Variants in APMAP observed in about 807,000 individuals in gnomAD.
APMAP encodes adipocyte plasma membrane-associated protein.
APMAP carries 33 observed loss-of-function variants against 43.6 expected under a neutral mutation model. The ratio of observed to expected loss-of-function variants is 0.76; its 90% CI spans 0.57 to 1.01. The LOEUF (loss-of-function observed/expected upper bound fraction) is 1.01, where lower values mean the gene tolerates loss of function less well. Ranked by LOEUF, APMAP falls within the 50% of genes least tolerant of loss-of-function variation. The pLI, the probability that APMAP is intolerant of heterozygous loss-of-function variation, is 0.00. For missense variants in APMAP, 498 were observed against 540.7 expected (o/e 0.92, Z 0.78); for synonymous variants, 224 against 216.7 (o/e 1.03, Z -0.30).
intron 2 of APMAP, among the ~76,000 whole-genome samples, chr20:24,979,239 G>A (rs1455519325): frequency 6.6e-6 from 1 of 152,176 alleles, no homozygotes; most frequent in Non-Finnish European, 1.5e-5. Context: ...ACAGCCACTG[G>A]AGTCTACCTA....
In APMAP at chr20:24,970,374, G is replaced by C; in HGVS notation, c.539-3C>G. On this transcript the variant is annotated splice_polypyrimidine_tract_variant and splice_region_variant and intron_variant, in intron 5 of 8. Coordinates refer to ENST00000217456, the MANE Select transcript of APMAP (RefSeq NM_020531.3). ...GGACAGCAGCAGTTTCACTTCACCT[G>C]AAGTTTAAAAAGAAAGAAAAAGATT... 6.3e-7 allele frequency: 1 copy of C among 1,598,398 alleles called. No individual in the cohort carries two copies. Among genetic ancestry groups the C allele is most frequent in the Non-Finnish European group, 8.5e-7 (1 of 1,171,580 alleles).
At chr20:24,980,544 T>C (rs1181861229) in intron 2 of APMAP, among the ~76,000 whole-genome samples, 14 of 138,600 alleles carry the variant, frequency 1.0e-4, no homozygotes, top group South Asian at 2.3e-4. Context: ...GTCAAGAGGC[T>C]ATGCCACGAT....
chr20:24,963,796 G>A lies in APMAP; in HGVS notation c.*17C>T, dbSNP rs777741358. The A allele has an allele frequency of 3.1e-6, 5 of 1,612,202 alleles. No individual in the cohort carries two copies. Among genetic ancestry groups the A allele is most frequent in the African/African-American group, 2.7e-5 (2 of 74,896 alleles). On this transcript the variant is annotated 3_prime_UTR_variant, in exon 9 of 9. Coordinates refer to ENST00000217456, the MANE Select transcript of APMAP (RefSeq NM_020531.3). ...AAGACTCCTGGCCTGCGTGGCAGGG[G>A]CAGCTATCTGGGAGGGCTAAACAGC...
chr20:24,989,141 G>A (rs963319564), intron 1 of APMAP, among the ~76,000 whole-genome samples: 2 of 151,688 alleles, frequency 1.3e-5, no homozygotes, highest in African/African-American at 4.8e-5. Context: ...ACACTGTATC[G>A]ATCCCTATCC....
At chr20:24,987,942 G>A (rs1484570451) in intron 1 of APMAP, among the ~76,000 whole-genome samples, 7 of 152,168 alleles carry the variant, frequency 4.6e-5, no homozygotes. Context: ...AGCAGGGCTG[G>A]TTACAAGTAA....
intron 4 of APMAP, among the ~76,000 whole-genome samples, chr20:24,972,176 G>A (rs919873338): frequency 6.6e-6 from 1 of 150,794 alleles, no homozygotes. Flanking sequence ...GCTCACTGCA[G>A]GTGCTTATTG....
rs149459666 is a variant in APMAP, at chr20:24,970,264, C to T, written c.646G>A (p.Asp216Asn). 62 of 1,614,140 alleles carry T rather than the reference C, an allele frequency of 3.8e-5. No homozygotes were observed. The African/African-American group carries it at 4.8e-4, about 12-fold the overall frequency. The change falls in exon 6 of 9, where the codon GAT becomes AAT. Residue 216 changes from aspartate (D) to asparagine (N), a missense_variant. By Grantham distance (23) the Asp-to-Asn change is conservative. Coordinates refer to ENST00000217456, the MANE Select transcript of APMAP (RefSeq NM_020531.3). The stretch of plus-strand genomic sequence containing the variant: ...CGTCTTTGCCATTTGCTGCTAGAAT[C>T]GGTGAAATAAATCTTCCTCCCATCC... ...TQDGRKIYFT[D>N]SSSKWQRRDY...
chr20:24,973,582 C>A (rs886879613), intron 4 of APMAP, 63 bp downstream of exon 4: 3 of 1,512,838 alleles, frequency 2.0e-6, no homozygotes, highest in Non-Finnish European at 1.8e-6. Flanking sequence ...CAGTTCCACA[C>A]AACGATCCAA....
chr20:24,971,470 A>C lies in APMAP; in HGVS notation c.528T>G (p.Asn176Lys), dbSNP rs1164026011. 1 of 1,613,568 alleles carries C rather than the reference A, an allele frequency of 6.2e-7. No homozygotes were observed. The highest frequency in any genetic ancestry group is 1.7e-5 in the Admixed American group (1 of 60,008). ...ADAYKGLFEV[N>K]PWKREVKLLL... ...GATATTGTCACATACGTTTCCAGGG[A>C]TTTACTTCAAATAGTCCCTTGTATG... The change falls in exon 5 of 9, where the codon AAT (asparagine) becomes AAG (lysine). Residue 176 changes from asparagine to lysine, a missense_variant. Asn to Lys is a moderately conservative substitution (Grantham distance 94). Coordinates refer to ENST00000217456, the MANE Select transcript of APMAP (RefSeq NM_020531.3).
chr20:24,963,688 C>T lies in APMAP; in HGVS notation c.*125G>A, dbSNP rs1377472049. On this transcript the variant is annotated 3_prime_UTR_variant, in exon 9 of 9. Transcript: ENST00000217456. ...TGAAGCAGCCATTCCCACCACCTCT[C>T]AGGGACTAACAGGTGCATGTGGACA... 2 of 1,010,126 alleles carry T rather than the reference C, an allele frequency of 2.0e-6. No individual in the cohort carries two copies. Among genetic ancestry groups the T allele is most frequent in the East Asian group, 4.8e-5 (2 of 41,354 alleles). 62.6% of individuals were successfully genotyped at this position (1,010,126 alleles called of 1,614,324 possible). A position where few individuals can be genotyped will look rare whatever the true frequency, so the allele number is the denominator to read the frequency against.
At chr20:24,967,899 C>T (rs1231047467) in intron 8 of APMAP, among the ~76,000 whole-genome samples, 4 of 152,282 alleles carry the variant, frequency 2.6e-5, no homozygotes, top group East Asian at 1.9e-4. Flanking sequence ...TCCCACACAG[C>T]GACCCACAGA....
Position 24,969,065 on chromosome 20 carries a change from T to C in APMAP, c.868A>G (p.Met290Val). ...RIRRVYVSGL[M>V]KGGADLFVEN... ...ACAAACAGATCAGCCCCGCCCTTCA[T>C]CAGGCCAGAAACGTAGACTCTGAAA... Residue 290 changes from methionine to valine, a missense_variant, in exon 8 of 9, where the codon ATG becomes GTG. Coordinates refer to ENST00000217456, the MANE Select transcript of APMAP (RefSeq NM_020531.3). 7.5e-6 allele frequency: 12 copies of C among 1,608,182 alleles called. No individual in the cohort carries two copies. The highest frequency in any genetic ancestry group is 1.0e-5 in the Non-Finnish European group (12 of 1,177,592).
intron 1 of APMAP, 36 bp downstream of exon 1, chr20:24,992,558 C>G: frequency 6.9e-7 from 1 of 1,454,112 alleles, no homozygotes; most frequent in Non-Finnish European, 9.2e-7. Context: ...CTCCTAGCGG[C>G]CCGGCTCCAG....
chr20:24,964,617 G>C (rs143356362), intron 8 of APMAP, among the ~76,000 whole-genome samples: 4 of 152,278 alleles, frequency 2.6e-5, no homozygotes, highest in Non-Finnish European at 4.4e-5. Context: ...AAAGAGCTTA[G>C]ACCTGGACTC....
At chr20:24,991,365 G>A (rs571143823) in intron 1 of APMAP, among the ~76,000 whole-genome samples, 20 of 152,304 alleles carry the variant, frequency 1.3e-4, no homozygotes, top group Admixed American at 3.3e-4. Flanking sequence ...GTTTGCCCAG[G>A]TTTAGCACTG....
intron 3 of APMAP, 48 bp downstream of exon 3, chr20:24,978,719 A>C: frequency 1.9e-4 from 117 of 607,778 alleles, no homozygotes; most frequent in East Asian, 3.2e-4. Flanking sequence ...GCCCCCTCAG[A>C]CAACAGACAG....
chr20:24,990,032 T>A (rs1299272601), intron 1 of APMAP, among the ~76,000 whole-genome samples: 1 of 152,238 alleles, frequency 6.6e-6, no homozygotes, highest in South Asian at 2.1e-4. Flanking sequence ...CAGTCACATA[T>A]GGACATTAAA....
chr20:24,990,403 C>T (rs2088181888), intron 1 of APMAP, among the ~76,000 whole-genome samples: 2 of 152,204 alleles, frequency 1.3e-5, no homozygotes, highest in East Asian at 1.9e-4. Context: ...CCACCTCACA[C>T]ACATAGACCT....
At chr20:24,990,690 T>C (rs2088184216) in intron 1 of APMAP, among the ~76,000 whole-genome samples, 1 of 152,212 alleles carries the variant, frequency 6.6e-6, no homozygotes, top group African/African-American at 2.4e-5. Flanking sequence ...AACCCTCGAC[T>C]TTTAAGGTAA....
Sources: allele counts gnomAD v4.1 joint callset (sites outside exome capture counted in the v4.1 genomes callset), GRCh38; gene constraint gnomAD v4.1.1; transcripts MANE v1.5; gene names NCBI Gene and HGNC (gene_info 2026-07-23, HGNC 2026-07-21).